HDAC4: variants seen among roughly 807,000 people sequenced by gnomAD.
HDAC4 encodes histone deacetylase 4.
Under a neutral mutation model 135.1 loss-of-function variants are expected in HDAC4, and 16 were observed. The ratio of observed to expected loss-of-function variants is 0.12; its 90% CI spans 0.08 to 0.18. HDAC4 has a LOEUF of 0.18. HDAC4 is among the 10% of genes least tolerant of loss of function. The probability of loss-of-function intolerance (pLI) is 1.00; values close to 1 mark genes in which losing one functional copy is unlikely to be tolerated. For synonymous variants in HDAC4, 685 were observed against 653.4 expected, an observed-to-expected ratio of 1.05 and a Z score of -0.74; for missense variants, 1,143 against 1,511.8, an observed-to-expected ratio of 0.76 and a Z score of 4.05.
At chr2:239,367,646 C>T (rs904640655) in intron 1 of HDAC4, among the ~76,000 whole-genome samples, 4 of 152,144 alleles carry the variant, frequency 2.6e-5, no homozygotes, top group Non-Finnish European at 5.9e-5. Context: ...ATTAAAAATA[C>T]TATATGAAAT....
chr2:239,387,941 G>A (rs983722453), intron 1 of HDAC4, among the ~76,000 whole-genome samples: 3 of 152,118 alleles, frequency 2.0e-5, no homozygotes, highest in Admixed American at 1.3e-4. Context: ...CCACCCCACC[G>A]CTCTCGCTTG....
intron 3 of HDAC4, among the ~76,000 whole-genome samples, chr2:239,235,197 A>AC (rs5839735): frequency 0.032 from 4,879 of 151,630 alleles, 277 homozygotes; most frequent in African/African-American, 0.11. Context: ...CCCCCCGAAC[A>AC]CCCCCCAAGA....
intron 9 of HDAC4, among the ~76,000 whole-genome samples, chr2:239,137,637 T>A (rs374300986): frequency 6.6e-6 from 1 of 151,940 alleles, no homozygotes; most frequent in Non-Finnish European, 1.5e-5. Context: ...TCCCCCCACA[T>A]CCTCATCCAC....
In HDAC4 at chr2:239,287,122, C is replaced by T. The variant is rs201674526; in HGVS notation, c.23-50458G>A. Among the ~76,000 whole-genome samples the T allele has an allele frequency of 3.3e-5, 5 of 152,244 alleles. No homozygotes were observed. In the East Asian group the frequency reaches 7.7e-4, roughly 23 times the overall value. On this transcript the variant is annotated intron_variant, in intron 2 of 26. Coordinates refer to ENST00000543185, the MANE Select transcript of HDAC4 (RefSeq NM_001378414.1). ...CACGTCTATACCAGGATGGGGCATG[C>T]GTCACACTTCGTGAGCCCACAGTGA...
At chr2:239,107,288 T>C (rs1288039266) in intron 15 of HDAC4, among the ~76,000 whole-genome samples, 1 of 152,208 alleles carries the variant, frequency 6.6e-6, no homozygotes, top group Admixed American at 6.5e-5. Flanking sequence ...GGGAGTCCAC[T>C]GCAGCCAGAT....
At chr2:239,272,536 G>C (rs2050112779) in intron 2 of HDAC4, among the ~76,000 whole-genome samples, 1 of 152,204 alleles carries the variant, frequency 6.6e-6, no homozygotes, top group East Asian at 1.9e-4. Flanking sequence ...ATGCACAATG[G>C]CCCATGAGCA....
chr2:239,313,488 C>A lies in HDAC4; in HGVS notation c.22+39190G>T, dbSNP rs1015150992. On this transcript the variant is annotated intron_variant, in intron 2 of 26. Transcript: ENST00000543185. This position sits in a 1 kb window ranked among gnomAD's most constrained non-coding sequence, Gnocchi z 5.1. ...CTGGCCATCCCACCGAGCACTGATA[C>A]CGCAGGCTGGACTCTTCCTAACCTC... is the stretch of plus-strand genomic sequence containing the variant. Among the ~76,000 whole-genome samples the A allele has an allele frequency of 6.6e-6, 1 of 152,132 alleles. No homozygotes were observed. The highest frequency in any genetic ancestry group is 2.4e-5 in the African/African-American group (1 of 41,422).
chr2:239,111,496 C>A (rs1347795618), intron 14 of HDAC4, 30 bp downstream of exon 14: 1 of 1,597,566 alleles, frequency 6.3e-7, no homozygotes, highest in African/African-American at 1.3e-5. Context: ...CCGCGTTGCA[C>A]CCTCAGGCTG....
chr2:239,383,978 C>T (rs1303247940), intron 1 of HDAC4, among the ~76,000 whole-genome samples: 1 of 152,216 alleles, frequency 6.6e-6, no homozygotes, highest in East Asian at 1.9e-4. Context: ...CACCTGGGCA[C>T]CGTGCGAGAG....
intron 2 of HDAC4, among the ~76,000 whole-genome samples, chr2:239,310,480 C>G (rs1393146003): frequency 1.3e-5 from 2 of 152,196 alleles, no homozygotes; most frequent in African/African-American, 4.8e-5. Context: ...TGTGATGTTC[C>G]CGGGGGGATG....
chr2:239,212,282 G>T (rs911023174), intron 3 of HDAC4, among the ~76,000 whole-genome samples: 1 of 152,132 alleles, frequency 6.6e-6, no homozygotes, highest in East Asian at 1.9e-4. Flanking sequence ...GCTGAGCTGG[G>T]CGGGCAGGGG....
chr2:239,213,140 A>G (rs2046431617), intron 3 of HDAC4, among the ~76,000 whole-genome samples: 1 of 151,378 alleles, frequency 6.6e-6, no homozygotes, highest in Admixed American at 6.6e-5. Flanking sequence ...AGAATATGAG[A>G]CGGCCACGAT....
intron 2 of HDAC4, among the ~76,000 whole-genome samples, chr2:239,282,139 T>TCTAC (rs2050806828): frequency 7.0e-6 from 1 of 141,920 alleles, no homozygotes; most frequent in Admixed American, 7.1e-5. Flanking sequence ...CACACCATGC[T>TCTAC]ACAATGAACA....
intron 3 of HDAC4, among the ~76,000 whole-genome samples, chr2:239,196,804 G>C (rs931112336): frequency 6.6e-6 from 1 of 152,200 alleles, no homozygotes; most frequent in Non-Finnish European, 1.5e-5. Context: ...TCGGGGAATC[G>C]AGGCAGTGGG....
At chr2:239,384,501 C>T (rs2126072786) in intron 1 of HDAC4, among the ~76,000 whole-genome samples, 1 of 151,116 alleles carries the variant, frequency 6.6e-6, no homozygotes, top group South Asian at 2.1e-4. Context: ...CCTGTAGTCC[C>T]AGCTACTCAG....
At chr2:239,096,339 G>A (rs2037031102) in intron 16 of HDAC4, among the ~76,000 whole-genome samples, 1 of 142,076 alleles carries the variant, frequency 7.0e-6, no homozygotes, top group African/African-American at 2.6e-5. Context: ...ACCCCCTACG[G>A]ACGCCCACAC....
chr2:239,182,843 C>T (rs2044239135), intron 4 of HDAC4, among the ~76,000 whole-genome samples: 1 of 152,232 alleles, frequency 6.6e-6, no homozygotes, highest in Non-Finnish European at 1.5e-5. Context: ...TTCTTCACTC[C>T]TGCCCCACAT....
chr2:239,226,184 C>G (rs538608914), intron 3 of HDAC4, among the ~76,000 whole-genome samples: 22 of 152,250 alleles, frequency 1.4e-4, no homozygotes, highest in Admixed American at 5.2e-4. Context: ...GATAAAAAGC[C>G]CTTTAACCAG....
At position 239,269,122 on chromosome 2, in the gene HDAC4, C is replaced by T. The variant is rs111604849; in HGVS notation, c.23-32458G>A. Among the ~76,000 whole-genome samples the T allele has an allele frequency of 4.5e-3, 685 of 152,282 alleles. 6 individuals are homozygous for T. Among genetic ancestry groups the T allele is most frequent in the African/African-American group, 0.016 (653 of 41,554 alleles). Reference sequence around the variant, plus strand: ...CATCCAAGCACCCCCATCATTCAGACGTACATACATTCATTATCTACATAC... The same window carrying T: ...CATCCAAGCACCCCCATCATTCAGATGTACATACATTCATTATCTACATAC... On this transcript the variant is annotated intron_variant, in intron 2 of 26. Coordinates refer to ENST00000543185, the MANE Select transcript of HDAC4 (RefSeq NM_001378414.1).
Sources: allele counts gnomAD v4.1 joint callset (sites outside exome capture counted in the v4.1 genomes callset), GRCh38; gene constraint gnomAD v4.1.1; non-coding constraint Gnocchi (gnomAD v3.1); transcripts MANE v1.5; gene names NCBI Gene and HGNC (gene_info 2026-07-23, HGNC 2026-07-21).